The following MORF4L2 variants were observed in gnomAD, a reference collection of about 807,000 sequenced individuals.
MORF4L2 encodes the protein mortality factor 4-like protein 2.
A neutral mutation model predicts 12.0 loss-of-function variants in MORF4L2; 1 was observed. The ratio of observed to expected loss-of-function variants is 0.08; its 90% CI spans 0.03 to 0.40. The LOEUF (loss-of-function observed/expected upper bound fraction) is 0.40, where lower values mean the gene tolerates loss of function less well. Ranked by LOEUF, MORF4L2 falls within the 10% of genes least tolerant of loss-of-function variation. MORF4L2 has a pLI of 0.98. For missense variants in MORF4L2, 123 were observed against 214.0 expected (o/e 0.57, Z 2.65); for synonymous variants, 69 against 81.6 (o/e 0.85, Z 0.83).
At chrX:103,686,008 G>A (rs995344948) in intron 1 of MORF4L2, among the ~76,000 whole-genome samples, 5 of 110,189 alleles carry the variant, frequency 4.5e-5, no homozygotes, top group South Asian at 3.8e-4. Flanking sequence ...TTCCCGATGC[G>A]TCTTAAACAT....
intron 2 of MORF4L2, among the ~76,000 whole-genome samples, chrX:103,682,659 C>T (rs150225980): frequency 2.0e-3 from 219 of 112,032 alleles, no homozygotes; most frequent in Non-Finnish European, 3.6e-3. Flanking sequence ...CTCTCTTCTA[C>T]CAGGTTGTTT....
chrX:103,680,106 A>C (rs1479178022), intron 2 of MORF4L2, among the ~76,000 whole-genome samples: 1 of 111,714 alleles, frequency 9.0e-6, no homozygotes, highest in Non-Finnish European at 1.9e-5. Context: ...GAATCACTTG[A>C]ACCTGGGAGA....
At chrX:103,681,577 T>A (rs2073985597) in intron 2 of MORF4L2, among the ~76,000 whole-genome samples, 1 of 111,253 alleles carries the variant, frequency 9.0e-6, no homozygotes, top group Non-Finnish European at 1.9e-5. Context: ...TTTGTTCCTT[T>A]AAGACTCTCA....
chrX:103,679,349 C>CA (rs35036219), intron 2 of MORF4L2, among the ~76,000 whole-genome samples: 205 of 63,268 alleles, frequency 3.2e-3, no homozygotes, highest in South Asian at 0.01. Flanking sequence ...ACTAAAAATA[C>CA]AAAAAAAAAA....
chrX:103,684,012 G>GA (rs999460590), intron 2 of MORF4L2, among the ~76,000 whole-genome samples: 3 of 110,982 alleles, frequency 2.7e-5, no homozygotes, highest in South Asian at 3.7e-4. Flanking sequence ...TCAGAAGAGA[G>GA]AAAAAAAAGG....
At position 103,678,501 on chromosome X, in the gene MORF4L2, A is replaced by T. The variant is rs1009879334; in HGVS notation, c.-27T>A. The T allele has an allele frequency of 1.8e-5, 2 of 111,864 alleles. No homozygotes were observed. The highest frequency in any genetic ancestry group is 3.3e-5 in the African/African-American group (1 of 30,750). 9.2% of individuals were successfully genotyped at this position (111,864 alleles called of 1,213,427 possible). On this transcript the variant is annotated splice_region_variant and 5_prime_UTR_variant, in exon 3 of 4. Transcript: ENST00000441076. The stretch of plus-strand genomic sequence containing the variant: ...AGGAAACAATTCCTTTGACTTACAC[A>T]ATCTTCCTTCTTTCCCTTCCAAGAA...
intron 3 of MORF4L2, 44 bp from the exon 4 acceptor site, chrX:103,677,095 C>T: frequency 1.0e-6 from 1 of 969,445 alleles, no homozygotes; most frequent in Non-Finnish European, 1.4e-6. Flanking sequence ...TCTATGGCAA[C>T]CTTTAACTAT....
At position 103,676,806 on chromosome X, in the gene MORF4L2, C is replaced by T. The variant is rs776099969; in HGVS notation, c.222G>A (p.Lys74=). ...GAGTCTTCTGCTTGTTCTTTCTGGT[C>T]TTCCTCACGGATCCTGAAGGGGGGT... The part of the protein sequence containing the change: ...AENPPSGSVR[K]TRKNKQKTPG... The change falls in exon 4 of 4, where the codon AAG becomes AAA. Residue 74 remains lysine (K), a synonymous_variant. Transcript: ENST00000441076. The T allele has an allele frequency of 8.3e-7, 1 of 1,207,113 alleles. No homozygotes were observed. Among genetic ancestry groups the T allele is most frequent in the East Asian group, 3.0e-5 (1 of 33,616 alleles).
intron 3 of MORF4L2, among the ~76,000 whole-genome samples, chrX:103,677,586 C>A (rs1205575527): frequency 1.8e-5 from 2 of 111,590 alleles, no homozygotes; most frequent in African/African-American, 6.5e-5. Context: ...CAATTTCAAG[C>A]CTGGGTAATT....
At chrX:103,679,860 C>CAAAAAAAAA (rs1157909391) in intron 2 of MORF4L2, among the ~76,000 whole-genome samples, 2 of 47,729 alleles carry the variant, frequency 4.2e-5, no homozygotes, top group Non-Finnish European at 6.9e-5. Flanking sequence ...CACCTGTGGG[C>CAAAAAAAAA]AAAAAAAAAA....
upstream of MORF4L2, chrX:103,687,592 A>G (rs2074146316): frequency 8.9e-6 from 1 of 112,495 alleles, no homozygotes; most frequent in African/African-American, 3.2e-5. Flanking sequence ...TATATTTGAA[A>G]ATGTTCTAAT....
At chrX:103,685,299 T>G (rs867798759) in intron 1 of MORF4L2, 39 bp from the exon 2 acceptor site, 1 of 111,041 alleles carries the variant, frequency 9.0e-6, no homozygotes, top group Non-Finnish European at 1.9e-5. Flanking sequence ...GAACATAAAA[T>G]AAAAAGATAT....
chrX:103,678,091 C>G (rs5987559), intron 3 of MORF4L2, among the ~76,000 whole-genome samples: 43,741 of 105,643 alleles, frequency 0.41, 7,014 homozygotes, highest in East Asian at 0.59. Flanking sequence ...ACTGGGTACC[C>G]ACCCCACAAC....
intron 2 of MORF4L2, among the ~76,000 whole-genome samples, chrX:103,684,277 AT>A (rs35376766): frequency 0.25 from 26,908 of 106,833 alleles, 2,594 homozygotes; most frequent in South Asian, 0.53. Flanking sequence ...CATGTAATAG[AT>A]TTTTTTTTTT....
chrX:103,678,019 G>C (rs781072509), intron 3 of MORF4L2, among the ~76,000 whole-genome samples: 140 of 110,286 alleles, frequency 1.3e-3, no homozygotes, highest in African/African-American at 4.0e-3. Context: ...GTTGTGTTGG[G>C]CCTATTGTGT....
At chrX:103,677,568 G>A (rs1324353765) in intron 3 of MORF4L2, among the ~76,000 whole-genome samples, 1 of 111,993 alleles carries the variant, frequency 8.9e-6, no homozygotes, top group Non-Finnish European at 1.9e-5. Flanking sequence ...AAAGGAGGGA[G>A]GAATCTGCAA....
At chrX:103,687,578 G>A (rs1178148980), upstream of MORF4L2, 1 of 112,488 alleles carries the variant, frequency 8.9e-6, no homozygotes, top group Non-Finnish European at 1.9e-5. Context: ...ATCTATTTCT[G>A]TGTTATATTT....
chrX:103,682,754 T>A (rs1026958144), intron 2 of MORF4L2, among the ~76,000 whole-genome samples: 3 of 112,388 alleles, frequency 2.7e-5, no homozygotes, highest in Non-Finnish European at 5.6e-5. Context: ...TGTCTAACGG[T>A]GTCTTACTAT....
At chrX:103,686,133 C>A (rs1039849531) in intron 1 of MORF4L2, among the ~76,000 whole-genome samples, 1 of 104,131 alleles carries the variant, frequency 9.6e-6, no homozygotes, top group Non-Finnish European at 2.0e-5. Flanking sequence ...CTCCCCCCCC[C>A]CCCACCTTTT....
Sources: gnomAD v4.1 joint callset for allele counts (sites outside exome capture counted in the v4.1 genomes callset) on GRCh38, gnomAD v4.1.1 for gene constraint, MANE v1.5 for transcripts, NCBI Gene and HGNC (gene_info 2026-07-23, HGNC 2026-07-21) for gene names.